KATNIP: variants seen among roughly 807,000 people sequenced by gnomAD.
The protein encoded by KATNIP is katanin interacting protein, also known as katanin-interacting protein.
Under a neutral mutation model 174.0 loss-of-function variants are expected in KATNIP, and 126 were observed. The observed-to-expected ratio is 0.72, with a 90% confidence interval of 0.63 to 0.84. The LOEUF (loss-of-function observed/expected upper bound fraction) is 0.84, where lower values mean the gene tolerates loss of function less well. KATNIP is among the 40% of genes least tolerant of loss of function. KATNIP has a pLI of 0.00. For synonymous variants in KATNIP, 810 were observed against 835.7 expected, an observed-to-expected ratio of 0.97 and a Z score of 0.53; for missense variants, 1,958 against 2,109.7, an observed-to-expected ratio of 0.93 and a Z score of 1.41.
intron 2 of KATNIP, among the ~76,000 whole-genome samples, chr16:27,582,706 C>T (rs2090745665): frequency 6.6e-6 from 1 of 152,136 alleles, no homozygotes; most frequent in East Asian, 1.9e-4. Context: ...ATTCGACTTC[C>T]CCCTCTATAA....
At chr16:27,667,047 G>A (rs2077711406) in intron 6 of KATNIP, among the ~76,000 whole-genome samples, 1 of 152,060 alleles carries the variant, frequency 6.6e-6, no homozygotes, top group African/African-American at 2.4e-5. Flanking sequence ...GTTGCCATGT[G>A]TGGTGGTTTA....
intron 18 of KATNIP, 47 bp downstream of exon 18, chr16:27,754,298 A>G (rs762705401): frequency 1.4e-5 from 22 of 1,530,300 alleles, no homozygotes; most frequent in African/African-American, 6.8e-5. Flanking sequence ...AGGACCTTCC[A>G]GGGACAGGGG....
chr16:27,675,571 C>T (rs1021046770), intron 6 of KATNIP, among the ~76,000 whole-genome samples: 4 of 152,198 alleles, frequency 2.6e-5, no homozygotes, highest in Non-Finnish European at 5.9e-5. Flanking sequence ...GTTCTCTTGG[C>T]CCACAGCTCC....
chr16:27,701,786 T>G (rs922786708), intron 11 of KATNIP, 91 bp downstream of exon 11: 15 of 858,522 alleles, frequency 1.7e-5, no homozygotes, highest in Admixed American at 9.2e-5. Flanking sequence ...TTCCTACGTT[T>G]TTTTCAGACC....
chr16:27,581,468 C>A (rs4787973), intron 2 of KATNIP, among the ~76,000 whole-genome samples: 3 of 152,210 alleles, frequency 2.0e-5, no homozygotes, highest in Admixed American at 1.3e-4. Context: ...TGTCCTTGAC[C>A]GAGGTGCCCA....
chr16:27,565,746 T>G (rs2090061906), intron 1 of KATNIP, among the ~76,000 whole-genome samples: 1 of 150,484 alleles, frequency 6.6e-6, no homozygotes, highest in Admixed American at 6.6e-5. Flanking sequence ...ATCACACCAC[T>G]GCACTCTAGC....
intron 3 of KATNIP, among the ~76,000 whole-genome samples, chr16:27,622,292 G>A (rs556404181): frequency 6.6e-6 from 1 of 152,276 alleles, no homozygotes; most frequent in East Asian, 1.9e-4. Context: ...AAGTGATTGT[G>A]TGCTCCAGGA....
At chr16:27,596,892 G>A (rs189613442) in intron 2 of KATNIP, among the ~76,000 whole-genome samples, 42 of 152,276 alleles carry the variant, frequency 2.8e-4, no homozygotes, top group African/African-American at 9.1e-4. Context: ...GAGTGGTGGC[G>A]TGTGCCTATA....
intron 14 of KATNIP, among the ~76,000 whole-genome samples, chr16:27,728,226 T>C (rs1019825236): frequency 1.3e-5 from 2 of 152,242 alleles, no homozygotes; most frequent in Non-Finnish European, 2.9e-5. Context: ...CTTCCTGAAC[T>C]GTGGGCCTCA....
At chr16:27,599,988 T>C (rs770172808) in intron 2 of KATNIP, among the ~76,000 whole-genome samples, 6 of 152,320 alleles carry the variant, frequency 3.9e-5, no homozygotes, top group Non-Finnish European at 8.8e-5. Flanking sequence ...GGTTCTGTTA[T>C]CCTCTGCAGC....
At chr16:27,630,778 G>C (rs893740317) in intron 4 of KATNIP, among the ~76,000 whole-genome samples, 1 of 152,170 alleles carries the variant, frequency 6.6e-6, no homozygotes, top group African/African-American at 2.4e-5. Context: ...CTGTAGCTTA[G>C]AGACTCTTCT....
intron 5 of KATNIP, among the ~76,000 whole-genome samples, chr16:27,632,965 G>A (rs2076534162): frequency 6.6e-6 from 1 of 151,994 alleles, no homozygotes; most frequent in African/African-American, 2.4e-5. Context: ...GGCCAGGGTG[G>A]TCTCGAACTC....
In KATNIP at chr16:27,777,951, C is replaced by T. The variant is rs147438027; in HGVS notation, c.4783C>T (p.Gln1595Ter). The T allele has an allele frequency of 6.2e-7, 1 of 1,614,068 alleles. No individual in the cohort carries two copies. The highest frequency in any genetic ancestry group is 8.5e-7 in the Non-Finnish European group (1 of 1,179,938). The part of the protein sequence containing the change: ...NQIITNAKRK[Q>*]SVVDPALRPK... ...AATCATTACCAACGCGAAACGGAAGCAGAGCGTTGTTGACCCAGGTCAGTG... is the reference window on the plus strand; with the variant it reads ...AATCATTACCAACGCGAAACGGAAGTAGAGCGTTGTTGACCCAGGTCAGTG... The change falls in exon 27 of 28, where the codon CAG becomes TAG. Residue 1595 changes from glutamine (Q) to a stop codon, truncating the protein, a stop_gained. Coordinates refer to ENST00000261588, the MANE Select transcript of KATNIP (RefSeq NM_015202.5). LOFTEE classifies it high-confidence loss of function. The surrounding 1 kb of genome is among the most constrained non-coding windows in gnomAD (Gnocchi z 4.4).
intron 14 of KATNIP, among the ~76,000 whole-genome samples, chr16:27,737,564 G>A (rs2080944039): frequency 6.6e-6 from 1 of 152,084 alleles, no homozygotes; most frequent in Admixed American, 6.5e-5. Flanking sequence ...GAGCACTCGG[G>A]AGGCCTAGGA....
chr16:27,557,254 GC>G (rs2089668313), intron 1 of KATNIP, among the ~76,000 whole-genome samples: 1 of 151,238 alleles, frequency 6.6e-6, no homozygotes, highest in Non-Finnish European at 1.5e-5. Flanking sequence ...TGATTCTGCT[GC>G]CTCAGCCTCC....
In KATNIP at chr16:27,749,866, C is replaced by T. The variant is rs767170024; in HGVS notation, c.2906C>T (p.Pro969Leu). Residue 969 changes from proline to leucine, a missense_variant, in exon 16 of 28, where the codon CCC (proline) becomes CTC (leucine). Pro to Leu is a moderately conservative substitution (Grantham distance 98, BLOSUM62 -3). This residue lies in a region of KATNIP where 1,557 missense variants were observed against 1,617.8 expected (regional missense o/e 0.96). Coordinates refer to ENST00000261588, the MANE Select transcript of KATNIP (RefSeq NM_015202.5). The part of the protein sequence containing the change: ...ETDAGGDFKI[P>L]VLPYGQRLVI... ...GACGCTGGGGGTGACTTTAAAATCC[C>T]CGTCTTGCCTTATGGACAGCGCTTG... 1.2e-6 allele frequency: 2 copies of T among 1,614,188 alleles called. No homozygotes were observed. Among genetic ancestry groups the T allele is most frequent in the South Asian group, 2.2e-5 (2 of 91,074 alleles).
intron 5 of KATNIP, among the ~76,000 whole-genome samples, chr16:27,647,655 G>A (rs1424165130): frequency 5.3e-5 from 8 of 151,910 alleles, no homozygotes; most frequent in South Asian, 4.2e-4. Context: ...ACAGGCATGC[G>A]CCACCACACC....
intron 6 of KATNIP, among the ~76,000 whole-genome samples, chr16:27,653,760 G>A (rs545768179): frequency 6.6e-6 from 1 of 151,712 alleles, no homozygotes; most frequent in African/African-American, 2.4e-5. Context: ...CCAGGATAAA[G>A]CAGTCATCCT....
intron 17 of KATNIP, among the ~76,000 whole-genome samples, chr16:27,753,294 T>A (rs2081588116): frequency 6.6e-6 from 1 of 152,196 alleles, no homozygotes; most frequent in South Asian, 2.1e-4. Flanking sequence ...GTTCAAACCT[T>A]TTTTGGGCCA....
Sources: allele counts gnomAD v4.1 joint callset (sites outside exome capture counted in the v4.1 genomes callset), GRCh38; gene constraint gnomAD v4.1.1; regional missense constraint gnomAD v4.1.1; non-coding constraint Gnocchi (gnomAD v3.1); transcripts MANE v1.5; gene names NCBI Gene and HGNC (gene_info 2026-07-23, HGNC 2026-07-21).